TPO: variants seen among roughly 807,000 people sequenced by gnomAD.
TPO encodes the protein thyroid peroxidase, also known as thyroid microsomal antigen.
A neutral mutation model predicts 96.9 loss-of-function variants in TPO; 78 were observed. The observed-to-expected ratio is 0.81, with a 90% CI of 0.67 to 0.97. The LOEUF is 0.97. Ranked by LOEUF, TPO falls within the 50% of genes least tolerant of loss-of-function variation. The pLI, the probability that TPO is intolerant of heterozygous loss-of-function variation, is 0.00. For missense variants in TPO, 1,252 were observed against 1,274.8 expected (o/e 0.98, Z 0.27); for synonymous variants, 547 against 538.0 (o/e 1.02, Z -0.23).
intron 2 of TPO, among the ~76,000 whole-genome samples, chr2:1,422,358 C>CGCCTCTCCTGGACCGACCTCGTGCAGGT (rs1558264430): frequency 2.4e-4 from 25 of 106,144 alleles, no homozygotes; most frequent in African/African-American, 8.9e-4. Context: ...CTCGTGCAGG[C>CGCCTCTCCTGGACCGACCTCGTGCAGGT]GCCGCGCTGG....
rs187431735 is a variant in TPO, at chr2:1,535,935, C to A, written c.2619-4659C>A. 1.2e-4 allele frequency among the ~76,000 whole-genome samples: 7 copies of A among 56,290 alleles called. 1 individual carries two copies. Among genetic ancestry groups the A allele is most frequent in the Non-Finnish European group, 2.6e-4 (7 of 26,988 alleles). The allele number at this position is 56,290 out of a possible 152,430, so 36.9% of individuals were successfully genotyped here. On this transcript the variant is annotated intron_variant, in intron 15 of 16. Coordinates refer to ENST00000329066, the MANE Select transcript of TPO (RefSeq NM_001206744.2). ...ATCCCGTGTGCAACCTCCCCAAATC[C>A]CCCACACTATGTGCAACCTCCTCAA...
intron 3 of TPO, among the ~76,000 whole-genome samples, chr2:1,433,161 A>G (rs777657013): frequency 5.9e-5 from 9 of 152,146 alleles, no homozygotes; most frequent in Non-Finnish European, 1.0e-4. Flanking sequence ...TGAGAATCCA[A>G]TTCATTCTGA....
chr2:1,513,582 C>A (rs972527926), intron 14 of TPO: 5 of 152,242 alleles, frequency 3.3e-5, no homozygotes, highest in African/African-American at 1.2e-4. Flanking sequence ...TCCAGAGAAA[C>A]AGGAGCAATC....
chr2:1,476,986 A>G, intron 7 of TPO, 100 bp from the exon 8 acceptor site: 1 of 1,432,338 alleles, frequency 7.0e-7, no homozygotes, highest in Non-Finnish European at 9.3e-7. Flanking sequence ...GGGCAGAGAA[A>G]CGTGCGGCGC....
At chr2:1,519,941 G>A (rs1442632337) in intron 15 of TPO, among the ~76,000 whole-genome samples, 9 of 150,744 alleles carry the variant, frequency 6.0e-5, no homozygotes, top group Admixed American at 5.9e-4. Context: ...GAAATATTTG[G>A]CTATAGTTGA....
At chr2:1,535,745 T>TC (rs1385388684) in intron 15 of TPO, among the ~76,000 whole-genome samples, 4 of 50,404 alleles carry the variant, frequency 7.9e-5, no homozygotes, top group Non-Finnish European at 1.1e-4. Context: ...CCTCCCCAAA[T>TC]CCCCCCACTC....
intron 10 of TPO, among the ~76,000 whole-genome samples, chr2:1,492,156 T>A (rs1014718474): frequency 1.2e-4 from 14 of 115,838 alleles, no homozygotes; most frequent in African/African-American, 5.5e-4. Context: ...GGATTTTTTT[T>A]GTTTTTTGTT....
intron 8 of TPO, chr2:1,478,120 GAACT>G (rs1183346370): frequency 2.0e-6 from 2 of 985,316 alleles, no homozygotes; most frequent in African/African-American, 3.5e-5. Context: ...TGAGGATTCT[GAACT>G]AACAAGTTAG....
intron 7 of TPO, among the ~76,000 whole-genome samples, chr2:1,461,496 A>G (rs1668425669): frequency 6.6e-6 from 1 of 152,174 alleles, no homozygotes; most frequent in Non-Finnish European, 1.5e-5. Context: ...CAGGGGAGGA[A>G]TTGGCCTTTC....
At chr2:1,439,062 T>G (rs1366663761) in intron 5 of TPO, 2 of 525,392 alleles carry the variant, frequency 3.8e-6, no homozygotes, top group Non-Finnish European at 6.8e-6. Flanking sequence ...AAATGTATTG[T>G]GCCTAAGTTT....
At chr2:1,532,816 A>T (rs1678626369) in intron 15 of TPO, among the ~76,000 whole-genome samples, 1 of 51,108 alleles carries the variant, frequency 2.0e-5, no homozygotes, top group Non-Finnish European at 3.3e-5. Flanking sequence ...AACCTCCTCA[A>T]ATCCCCCCAC....
intron 15 of TPO, among the ~76,000 whole-genome samples, chr2:1,529,950 A>AC (rs1677681395): frequency 5.0e-5 from 1 of 20,010 alleles, no homozygotes; most frequent in Non-Finnish European, 9.0e-5. Context: ...ATATCCCCCC[A>AC]ACTCTGTGCA....
chr2:1,486,290 G>A (rs373491318), intron 9 of TPO, among the ~76,000 whole-genome samples: 4 of 152,296 alleles, frequency 2.6e-5, no homozygotes, highest in South Asian at 2.1e-4. Context: ...GGGAGGCTGA[G>A]GCAGGCGGAT....
intron 2 of TPO, 79 bp from the exon 3 acceptor site, chr2:1,422,966 G>A: frequency 6.6e-7 from 1 of 1,516,456 alleles, no homozygotes; most frequent in Non-Finnish European, 9.1e-7. Flanking sequence ...AGCAAGATGG[G>A]CTTGAGGAAC....
At chr2:1,438,779 A>ATT (rs3036132) in intron 5 of TPO, 348 of 668,160 alleles carry the variant, frequency 5.2e-4, no homozygotes, top group South Asian at 2.2e-3. Flanking sequence ...TTAACTGGAG[A>ATT]TTTTTTTTTT....
chr2:1,475,130 CTT>C (rs1333381183), intron 7 of TPO, among the ~76,000 whole-genome samples: 1 of 152,204 alleles, frequency 6.6e-6, no homozygotes, highest in Non-Finnish European at 1.5e-5. Context: ...TTAAGAGTCT[CTT>C]TGAATCAGTG....
upstream of TPO, among the ~76,000 whole-genome samples, chr2:1,412,881 T>G (rs1662501925): frequency 6.6e-6 from 1 of 151,316 alleles, no homozygotes; most frequent in Non-Finnish European, 1.5e-5. Flanking sequence ...CTACAGAACA[T>G]CTCTGTCTTT....
intron 5 of TPO, among the ~76,000 whole-genome samples, chr2:1,452,925 C>T (rs1460137262): frequency 2.0e-5 from 3 of 152,208 alleles, no homozygotes; most frequent in Non-Finnish European, 4.4e-5. Flanking sequence ...ATATTCAACA[C>T]ACCTTTACCT....
intron 8 of TPO, among the ~76,000 whole-genome samples, chr2:1,483,910 A>T (rs931417992): frequency 6.6e-6 from 1 of 152,220 alleles, no homozygotes. Flanking sequence ...ATTTTTAAAC[A>T]ATCCACTTGC....
Sources: allele counts gnomAD v4.1 joint callset (sites outside exome capture counted in the v4.1 genomes callset), GRCh38; gene constraint gnomAD v4.1.1; transcripts MANE v1.5; gene names NCBI Gene and HGNC (gene_info 2026-07-23, HGNC 2026-07-21).